Variants in THSD4 observed in about 807,000 individuals in gnomAD.
THSD4 encodes thrombospondin type-1 domain-containing protein 4.
A neutral mutation model predicts 119.0 loss-of-function variants in THSD4; 69 were observed. That is an observed-to-expected ratio of 0.58 (90% CI 0.48 to 0.71). The LOEUF is 0.71. Among genes scored for constraint, THSD4 ranks in the 30% least tolerant of loss-of-function variants. The probability of loss-of-function intolerance (pLI) is 0.00; values close to 1 mark genes in which losing one functional copy is unlikely to be tolerated. For missense variants in THSD4, 1,393 were observed against 1,391.1 expected (o/e 1.00, Z -0.02); for synonymous variants, 524 against 540.4 (o/e 0.97, Z 0.42).
rs68020088 is a variant in THSD4, at chr15:71,562,712, TC to T, written c.1153-97817del. ...CACCTTTGGTCCTTTTTTTTTTTTTTCTTTTCTGAAACGGAGTTTGGCTCTT... is the reference window on the plus strand; with the variant it reads ...CACCTTTGGTCCTTTTTTTTTTTTTTTTTTCTGAAACGGAGTTTGGCTCTT... On this transcript the variant is annotated intron_variant, in intron 7 of 17. Transcript: ENST00000261862. Among the ~76,000 whole-genome samples the T allele has an allele frequency of 6.5e-3, 952 of 146,640 alleles. 35 individuals carry two copies. Among genetic ancestry groups the T allele is most frequent in the African/African-American group, 0.019 (756 of 40,170 alleles).
chr15:71,413,047 T>C (rs2046711006), intron 7 of THSD4, among the ~76,000 whole-genome samples: 1 of 152,202 alleles, frequency 6.6e-6, no homozygotes, highest in Non-Finnish European at 1.5e-5. Context: ...GTTTCACTCT[T>C]GTTGCCCAGG....
At chr15:71,705,558 T>TTA (rs1404254498) in intron 8 of THSD4, among the ~76,000 whole-genome samples, 1 of 152,092 alleles carries the variant, frequency 6.6e-6, no homozygotes, top group African/African-American at 2.4e-5. Context: ...TTAGAGCCCC[T>TTA]TATAGACCAA....
At chr15:71,724,476 G>T (rs983987203) in intron 8 of THSD4, among the ~76,000 whole-genome samples, 2 of 150,890 alleles carry the variant, frequency 1.3e-5, no homozygotes, top group Admixed American at 6.6e-5. Context: ...TAGTAGAGAC[G>T]GGGTTTCACC....
At chr15:71,729,959 T>G (rs1472950242) in intron 9 of THSD4, 2 of 152,140 alleles carry the variant, frequency 1.3e-5, no homozygotes, top group Non-Finnish European at 2.9e-5. Flanking sequence ...GGTTTGATAT[T>G]GGTTCCTGGG....
At chr15:71,635,042 C>T (rs2050713208) in intron 7 of THSD4, among the ~76,000 whole-genome samples, 3 of 152,188 alleles carry the variant, frequency 2.0e-5, no homozygotes, top group Admixed American at 2.0e-4. Context: ...TGGCCTCCTG[C>T]TCACAAACAT....
intron 6 of THSD4, among the ~76,000 whole-genome samples, chr15:71,270,594 C>T (rs1257173793): frequency 6.6e-6 from 1 of 152,198 alleles, no homozygotes; most frequent in African/African-American, 2.4e-5. Context: ...AGTTAACTAA[C>T]TTGCCCACGG....
intron 6 of THSD4, among the ~76,000 whole-genome samples, chr15:71,374,509 C>A (rs2046104892): frequency 1.3e-5 from 2 of 152,062 alleles, no homozygotes; most frequent in South Asian, 4.2e-4. Flanking sequence ...TCTAAATATC[C>A]AAATCAGAAA....
chr15:71,545,218 A>G (rs1342029552), intron 7 of THSD4, among the ~76,000 whole-genome samples: 2 of 152,244 alleles, frequency 1.3e-5, no homozygotes, highest in Non-Finnish European at 2.9e-5. Context: ...ACAGAGAAGT[A>G]AATGAGTTCT....
In THSD4 at chr15:71,296,491, C is replaced by G. The variant is rs544982467; in HGVS notation, c.1015+39776C>G. 3.5e-3 allele frequency among the ~76,000 whole-genome samples: 534 copies of G among 152,266 alleles called. 9 individuals carry two copies. The highest frequency in any genetic ancestry group is 0.012 in the African/African-American group (516 of 41,558). On this transcript the variant is annotated intron_variant, in intron 6 of 17. Coordinates refer to ENST00000261862, the MANE Select transcript of THSD4 (RefSeq NM_024817.3). ...GTTGTCTCTATTAGTCTGTGCCTCTCGGGCAAGACGCACCTTCCTGCCAAG... is the reference window on the plus strand; with the variant it reads ...GTTGTCTCTATTAGTCTGTGCCTCTGGGGCAAGACGCACCTTCCTGCCAAG...
chr15:71,203,581 C>T (rs1391473520), intron 3 of THSD4, among the ~76,000 whole-genome samples: 1 of 152,156 alleles, frequency 6.6e-6, no homozygotes, highest in Non-Finnish European at 1.5e-5. Flanking sequence ...ATTGCTTGAA[C>T]CTTGAACTCA....
At chr15:71,441,666 T>C (rs1258700393) in intron 7 of THSD4, among the ~76,000 whole-genome samples, 1 of 151,976 alleles carries the variant, frequency 6.6e-6, no homozygotes, top group Non-Finnish European at 1.5e-5. Flanking sequence ...GTGCTGGCAT[T>C]ACAGGCGTGA....
At chr15:71,226,846 G>T (rs527318655) in intron 4 of THSD4, among the ~76,000 whole-genome samples, 1 of 152,158 alleles carries the variant, frequency 6.6e-6, no homozygotes, top group African/African-American at 2.4e-5. Flanking sequence ...AGTTAGCCGA[G>T]AAAACGGATA....
chr15:71,384,063 G>A (rs761231446), intron 6 of THSD4, among the ~76,000 whole-genome samples: 1 of 152,180 alleles, frequency 6.6e-6, no homozygotes, highest in East Asian at 1.9e-4. Context: ...TCAGGGCAGA[G>A]CTCATTAACA....
chr15:71,107,088 C>G (rs1394374989), intron 1 of THSD4, among the ~76,000 whole-genome samples: 1 of 152,184 alleles, frequency 6.6e-6, no homozygotes. Flanking sequence ...GTCACACAGT[C>G]AGGAAGTTAG....
At chr15:71,140,917 A>G (rs2040596839) in intron 1 of THSD4, among the ~76,000 whole-genome samples, 1 of 152,236 alleles carries the variant, frequency 6.6e-6, no homozygotes, top group South Asian at 2.1e-4. Context: ...AGATTTGCCT[A>G]TTCTAGGCAT....
At chr15:71,492,901 T>C (rs1037740946) in intron 7 of THSD4, among the ~76,000 whole-genome samples, 9 of 152,142 alleles carry the variant, frequency 5.9e-5, no homozygotes, top group Middle Eastern at 3.4e-3. Flanking sequence ...TGTCTTTTTT[T>C]TTTTTTAGAA....
At chr15:71,567,776 A>AGT (rs35003821) in intron 7 of THSD4, among the ~76,000 whole-genome samples, 24,163 of 150,450 alleles carry the variant, frequency 0.16, 1,939 homozygotes, top group African/African-American at 0.18. Context: ...AGAGAGAGAG[A>AGT]GTGTGTGTGT....
Position 71,782,459 on chromosome 15 carries a change from T to C in THSD4, c.*5085T>C, listed in dbSNP as rs948442810. The C allele has an allele frequency of 2.6e-5, 4 of 152,230 alleles. No individual in the cohort carries two copies. The highest frequency in any genetic ancestry group is 5.9e-5 in the Non-Finnish European group (4 of 68,050). The allele number at this position is 152,230 out of a possible 1,614,324, so 9.4% of individuals were successfully genotyped here. A position where few individuals can be genotyped will look rare whatever the true frequency, so the allele number is the denominator to read the frequency against. ...TTGTTCTCTGTAAATACAAGATGTT[T>C]ATAGGAAATATGTATTCTGAACTCT... On this transcript the variant is annotated 3_prime_UTR_variant, in exon 18 of 18. Transcript: ENST00000261862.
rs2051815117 is a variant in THSD4 at position 71,682,861 on chromosome 15, TTTCTTTCTTTCTTTCTTTCTTTC to T, written c.1357+22130_1357+22152del. On this transcript the variant is annotated intron_variant, in intron 8 of 17. Coordinates refer to ENST00000261862, the MANE Select transcript of THSD4 (RefSeq NM_024817.3). ...AATTCTTCCCTCTTTTGCTACTTTC[TTTCTTTCTTTCTTTCTTTCTTTC>T]TTTCTTTCTTTCTTTCTTTCTTTCT... 2.2e-4 allele frequency among the ~76,000 whole-genome samples: 4 copies of T among 18,134 alleles called. No homozygotes were observed. In the Admixed American group the frequency reaches 3.0e-3, roughly 14 times the overall value. 11.9% of individuals were successfully genotyped at this position (18,134 alleles called of 152,430 possible). A position where few individuals can be genotyped will look rare whatever the true frequency, so the allele number is the denominator to read the frequency against.
Sources: gnomAD v4.1 joint callset for allele counts (sites outside exome capture counted in the v4.1 genomes callset) on GRCh38, gnomAD v4.1.1 for gene constraint, MANE v1.5 for transcripts, NCBI Gene and HGNC (gene_info 2026-07-23, HGNC 2026-07-21) for gene names.